The following BCOR variants were observed in gnomAD, a reference collection of about 807,000 sequenced individuals.
BCOR encodes BCL6 corepressor.
A neutral mutation model predicts 86.7 loss-of-function variants in BCOR; 10 were observed. The observed-to-expected ratio is 0.12, with a 90% CI of 0.07 to 0.20. BCOR has a LOEUF of 0.20. BCOR is among the 10% of genes least tolerant of loss of function. The pLI, the probability that BCOR is intolerant of heterozygous loss-of-function variation, is 1.00. For missense variants in BCOR, 1,259 were observed against 1,452.1 expected, an observed-to-expected ratio of 0.87 and a Z score of 2.16; for synonymous variants, 611 against 609.0, an observed-to-expected ratio of 1.00 and a Z score of -0.05.
chrX:40,051,792 G>A lies in BCOR; in HGVS notation c.*317C>T. 4.6e-6 allele frequency: 1 copy of A among 217,809 alleles called. No individual in the cohort carries two copies. Among genetic ancestry groups the A allele is most frequent in the Non-Finnish European group, 8.3e-6 (1 of 121,006 alleles). 17.9% of individuals were successfully genotyped at this position (217,809 alleles called of 1,213,427 possible). On this transcript the variant is annotated 3_prime_UTR_variant, in exon 15 of 15. Coordinates refer to ENST00000378444, the MANE Select transcript of BCOR (RefSeq NM_001123385.2). ...TTTGTATGAAATTAAGTCAAAGTGTGGAGCTCCTTTTACTCATTTTTTTTT... is the reference window on the plus strand; with the variant it reads ...TTTGTATGAAATTAAGTCAAAGTGTAGAGCTCCTTTTACTCATTTTTTTTT...
At chrX:40,149,002 C>CCA (rs1938117512) in intron 1 of BCOR, among the ~76,000 whole-genome samples, 1 of 111,124 alleles carries the variant, frequency 9.0e-6, no homozygotes, top group South Asian at 3.8e-4. Flanking sequence ...GAACACAGCC[C>CCA]CACACCTCTT....
intron 1 of BCOR, among the ~76,000 whole-genome samples, chrX:40,171,728 G>A (rs1175923487): frequency 1.8e-5 from 2 of 112,954 alleles, no homozygotes; most frequent in Admixed American, 9.3e-5. Context: ...TTTTTCCCCA[G>A]GTTTTTATTC....
intron 12 of BCOR, among the ~76,000 whole-genome samples, chrX:40,054,689 C>T (rs141870010): frequency 1.8e-5 from 2 of 111,629 alleles, no homozygotes; most frequent in Admixed American, 1.9e-4. Context: ...TTTTAGTAGA[C>T]ACAGGGTTTT....
chrX:40,170,472 C>G (rs1938597477), intron 1 of BCOR, among the ~76,000 whole-genome samples: 1 of 110,253 alleles, frequency 9.1e-6, no homozygotes, highest in African/African-American at 3.3e-5. Context: ...CTCAGCCTCC[C>G]CAGTAGCTGG....
intron 9 of BCOR, 109 bp downstream of exon 9, chrX:40,062,637 G>T: frequency 1.2e-6 from 1 of 827,301 alleles, no homozygotes; most frequent in East Asian, 3.4e-5. Context: ...GACGTGTGGT[G>T]TGGGGGAGGA....
At chrX:40,102,460 G>C (rs755561460), upstream of BCOR, among the ~76,000 whole-genome samples, 44 of 113,944 alleles carry the variant, frequency 3.9e-4, no homozygotes, top group Middle Eastern at 4.6e-3. Context: ...AGCCCTCGAC[G>C]CCGCCGCGCT....
rs1937818494 is a variant in BCOR, at chrX:40,139,451, ATATAC to A, written c.-41+37551_-41+37555del. ...ATATATATATATATATATATAATAT[ATATAC>A]ATATATATATATATATATATATATA... On this transcript the variant is annotated intron_variant, in intron 1 of 14. Coordinates refer to the BCOR transcript ENST00000342274. Among the ~76,000 whole-genome samples the A allele has an allele frequency of 4.5e-4, 2 of 4,398 alleles. 1 individual carries two copies. The highest frequency in any genetic ancestry group is 0.023 in the South Asian group (2 of 87). The allele number at this position is 4,398 out of a possible 115,157, so 3.8% of individuals were successfully genotyped here. A position where few individuals can be genotyped will look rare whatever the true frequency, so the allele number is the denominator to read the frequency against.
At chrX:40,113,560 A>G (rs1270409335) in intron 1 of BCOR, among the ~76,000 whole-genome samples, 2 of 111,454 alleles carry the variant, frequency 1.8e-5, no homozygotes, top group Non-Finnish European at 3.8e-5. Flanking sequence ...TCAGCTCCTG[A>G]ATAGGCTCTG....
chrX:40,051,425 T>C lies in BCOR; in HGVS notation c.*684A>G, dbSNP rs1196840768. 5.9e-6 allele frequency: 1 copy of C among 170,354 alleles called. No individual in the cohort carries two copies. The highest frequency in any genetic ancestry group is 8.5e-5 in the East Asian group (1 of 11,784). 14.0% of individuals were successfully genotyped at this position (170,354 alleles called of 1,213,427 possible). A position where few individuals can be genotyped will look rare whatever the true frequency, so the allele number is the denominator to read the frequency against. ...AAGCAACCTCAACATATTATGTTAG[T>C]TTTCAATATTTTACAGGGTACAGAA... On this transcript the variant is annotated 3_prime_UTR_variant, in exon 15 of 15. Transcript: ENST00000378444.
rs752002930 is a variant in BCOR at position 40,126,870 on chromosome X, G to GAC, written c.-40-48903_-40-48902dup. On this transcript the variant is annotated intron_variant, in intron 1 of 14. Transcript: ENST00000342274. ...AAAAAAAAAAAAAAGAGGAGGTTAG[G>GAC]ACACACACACACACACACATTGGGA... Among the ~76,000 whole-genome samples, 472 of 107,715 alleles carry GAC rather than the reference G, an allele frequency of 4.4e-3. 4 individuals carry two copies. Among genetic ancestry groups the GAC allele is most frequent in the African/African-American group, 0.014 (420 of 29,763 alleles). The allele number at this position is 107,715 out of a possible 115,157, so 93.5% of individuals were successfully genotyped here.
chrX:40,176,623 G>A (rs1444661834), intron 1 of BCOR, among the ~76,000 whole-genome samples: 6 of 107,581 alleles, frequency 5.6e-5, no homozygotes, highest in Non-Finnish European at 1.2e-4. Flanking sequence ...GGCCCGTGCC[G>A]CACCACGCGG....
intron 1 of BCOR, among the ~76,000 whole-genome samples, chrX:40,141,231 G>A (rs1326516028): frequency 8.9e-6 from 1 of 112,952 alleles, no homozygotes. Context: ...GTTGGCCCAG[G>A]GCCAGTAAGT....
chrX:40,167,781 C>G (rs1037841935), intron 1 of BCOR, among the ~76,000 whole-genome samples: 1 of 112,691 alleles, frequency 8.9e-6, no homozygotes, highest in Non-Finnish European at 1.9e-5. Context: ...GGACTCCTGA[C>G]CAACCCTCCT....
At chrX:40,071,180 GAAAA>G in intron 5 of BCOR, 21 bp from the exon 6 acceptor site, 1 of 899,850 alleles carries the variant, frequency 1.1e-6, no homozygotes. Context: ...AACGGAGATG[GAAAA>G]AAAAAAAAAC....
chrX:40,077,054 G>T, intron 2 of BCOR: 1 of 253,157 alleles, frequency 4.0e-6, no homozygotes, highest in South Asian at 3.8e-5. Flanking sequence ...GGTTTCCATG[G>T]TGATAAAAAA....
intron 1 of BCOR, among the ~76,000 whole-genome samples, chrX:40,084,720 C>T: frequency 9.4e-6 from 1 of 106,094 alleles, no homozygotes; most frequent in Admixed American, 1.0e-4. Flanking sequence ...CCCACCACCA[C>T]CACCACCGAA....
intron 6 of BCOR, 130 bp downstream of exon 6, chrX:40,070,843 G>A (rs1054506732): frequency 1.6e-5 from 10 of 625,576 alleles, no homozygotes; most frequent in Admixed American, 2.5e-5. Flanking sequence ...CAGACGCCTC[G>A]TTCCTGGTTG....
chrX:40,145,555 G>A (rs954007646), intron 1 of BCOR, among the ~76,000 whole-genome samples: 7 of 111,062 alleles, frequency 6.3e-5, no homozygotes, highest in Non-Finnish European at 9.5e-5. Flanking sequence ...AAGCCTGGAG[G>A]CTACCCCCTC....
chrX:40,081,780 G>A (rs1202992952), intron 1 of BCOR, among the ~76,000 whole-genome samples: 1 of 112,419 alleles, frequency 8.9e-6, no homozygotes, highest in Non-Finnish European at 1.9e-5. Context: ...TAAAGGTGCT[G>A]GATAGGGATG....
Sources: allele counts gnomAD v4.1 joint callset (sites outside exome capture counted in the v4.1 genomes callset), GRCh38; gene constraint gnomAD v4.1.1; transcripts MANE v1.5; gene names NCBI Gene and HGNC (gene_info 2026-07-23, HGNC 2026-07-21).